Variants in UBE2E2 observed in about 807,000 individuals in gnomAD.
The protein encoded by UBE2E2 is ubiquitin-conjugating enzyme E2 E2.
A neutral mutation model predicts 24.7 loss-of-function variants in UBE2E2; 6 were observed. The observed-to-expected ratio is 0.24, with a 90% CI of 0.13 to 0.48. The LOEUF (loss-of-function observed/expected upper bound fraction) is 0.48, where lower values mean the gene tolerates loss of function less well. Ranked by LOEUF, UBE2E2 falls within the 20% of genes least tolerant of loss-of-function variation. The pLI, the probability that UBE2E2 is intolerant of heterozygous loss-of-function variation, is 0.99. For missense variants in UBE2E2, 169 were observed against 245.0 expected (o/e 0.69, Z 2.07); for synonymous variants, 104 against 83.6 (o/e 1.24, Z -1.33).
chr3:23,377,357 AT>A lies in UBE2E2; in HGVS notation c.228-122247del, dbSNP rs757658102. Among the ~76,000 whole-genome samples the A allele has an allele frequency of 5.9e-5, 9 of 152,200 alleles. No homozygotes were observed. In the South Asian group the frequency reaches 6.2e-4, roughly 10 times the overall value. On this transcript the variant is annotated intron_variant, in intron 3 of 5. Coordinates refer to ENST00000396703, the MANE Select transcript of UBE2E2 (RefSeq NM_152653.4). ...TGTGACTTGGCTCACTGTAATAGTA[AT>A]TTTGAGGTAATTATTAATGATAGTG...
intron 3 of UBE2E2, among the ~76,000 whole-genome samples, chr3:23,374,109 T>A (rs936941158): frequency 5.9e-5 from 9 of 152,190 alleles, no homozygotes; most frequent in Non-Finnish European, 1.5e-5. Context: ...TATAATGGTA[T>A]AAAATCTTTA....
chr3:23,259,326 T>A (rs929617805), intron 3 of UBE2E2, among the ~76,000 whole-genome samples: 1 of 152,224 alleles, frequency 6.6e-6, no homozygotes, highest in South Asian at 2.1e-4. Context: ...ATATTTAAGT[T>A]ATCTTTTGGG....
intron 4 of UBE2E2, among the ~76,000 whole-genome samples, chr3:23,512,009 A>G (rs576239278): frequency 6.6e-6 from 1 of 152,118 alleles, no homozygotes. Flanking sequence ...TAAAACTTAT[A>G]TAAGTAATGT....
At chr3:23,472,605 C>A (rs986467297) in intron 3 of UBE2E2, among the ~76,000 whole-genome samples, 1 of 151,892 alleles carries the variant, frequency 6.6e-6, no homozygotes, top group African/African-American at 2.4e-5. Flanking sequence ...AATTTTTAGA[C>A]CTAGCAGATT....
At chr3:23,537,914 T>G (rs1575693046) in intron 5 of UBE2E2, among the ~76,000 whole-genome samples, 1 of 152,104 alleles carries the variant, frequency 6.6e-6, no homozygotes, top group East Asian at 1.9e-4. Flanking sequence ...ATACCAAGTT[T>G]GGGAGCCGCT....
chr3:23,434,240 A>G (rs1317397092), intron 3 of UBE2E2, among the ~76,000 whole-genome samples: 3 of 152,142 alleles, frequency 2.0e-5, no homozygotes, highest in African/African-American at 7.2e-5. Context: ...TAGTGCTTAA[A>G]TACTTATTGA....
chr3:23,269,368 C>G (rs979025530), intron 3 of UBE2E2, among the ~76,000 whole-genome samples: 1 of 152,174 alleles, frequency 6.6e-6, no homozygotes, highest in Non-Finnish European at 1.5e-5. Context: ...AAAAAACAAA[C>G]CCGCTTGGAG....
At chr3:23,377,759 A>C (rs1184735947) in intron 3 of UBE2E2, among the ~76,000 whole-genome samples, 1 of 152,228 alleles carries the variant, frequency 6.6e-6, no homozygotes, top group African/African-American at 2.4e-5. Flanking sequence ...ATTTTCTGAT[A>C]GTTAAATGAA....
chr3:23,276,417 GA>G (rs1328331566), intron 3 of UBE2E2, among the ~76,000 whole-genome samples: 1 of 152,110 alleles, frequency 6.6e-6, no homozygotes, highest in African/African-American at 2.4e-5. Flanking sequence ...ATAAACTAAG[GA>G]GGGGTTAATT....
intron 5 of UBE2E2, among the ~76,000 whole-genome samples, chr3:23,558,323 T>C (rs554278249): frequency 6.6e-6 from 1 of 152,326 alleles, no homozygotes; most frequent in East Asian, 1.9e-4. Context: ...AGTGTGCAAA[T>C]GGTATTTCAC....
chr3:23,276,302 T>A (rs572511419), intron 3 of UBE2E2, among the ~76,000 whole-genome samples: 36 of 152,280 alleles, frequency 2.4e-4, no homozygotes, highest in Non-Finnish European at 4.1e-4. Context: ...TAATTTTTGA[T>A]TTTAAATTTT....
chr3:23,295,891 T>C (rs890756716), intron 3 of UBE2E2, among the ~76,000 whole-genome samples: 14 of 152,318 alleles, frequency 9.2e-5, no homozygotes, highest in African/African-American at 3.4e-4. Flanking sequence ...TTGGAGCAGA[T>C]GTCCCCCAAG....
At chr3:23,522,180 G>C (rs1247212140) in intron 4 of UBE2E2, among the ~76,000 whole-genome samples, 1 of 141,032 alleles carries the variant, frequency 7.1e-6, no homozygotes, top group Non-Finnish European at 1.5e-5. Flanking sequence ...GCCCAGGCTG[G>C]AGTGCAGTGG....
At chr3:23,472,112 G>T (rs1044546632) in intron 3 of UBE2E2, among the ~76,000 whole-genome samples, 1 of 152,044 alleles carries the variant, frequency 6.6e-6, no homozygotes, top group African/African-American at 2.4e-5. Context: ...CATGATATCC[G>T]AAAGGAAAGA....
chr3:23,483,325 A>G (rs1575659429), intron 3 of UBE2E2, among the ~76,000 whole-genome samples: 1 of 152,258 alleles, frequency 6.6e-6, no homozygotes, highest in African/African-American at 2.4e-5. Context: ...TTTGAAAAAT[A>G]TATGTGAATG....
chr3:23,263,437 G>T (rs1697955934), intron 3 of UBE2E2, among the ~76,000 whole-genome samples: 2 of 152,074 alleles, frequency 1.3e-5, no homozygotes, highest in Admixed American at 1.3e-4. Flanking sequence ...ATTGATTTTG[G>T]CTTTGACATA....
intron 3 of UBE2E2, among the ~76,000 whole-genome samples, chr3:23,328,850 C>T (rs1324727080): frequency 1.3e-5 from 2 of 151,976 alleles, no homozygotes; most frequent in African/African-American, 2.4e-5. Flanking sequence ...TTTGTAGAGA[C>T]GGGGTTTCAC....
intron 5 of UBE2E2, among the ~76,000 whole-genome samples, chr3:23,588,101 C>T (rs75758267): frequency 0.048 from 7,304 of 152,174 alleles, 576 homozygotes; most frequent in African/African-American, 0.17. Context: ...CCATGAGTGC[C>T]TTACAAGGTT....
At chr3:23,264,025 A>G (rs948230799) in intron 3 of UBE2E2, among the ~76,000 whole-genome samples, 1 of 152,284 alleles carries the variant, frequency 6.6e-6, no homozygotes, top group South Asian at 2.1e-4. Flanking sequence ...AGTGCTTACT[A>G]TGAGTCGGGT....
Sources: gnomAD v4.1 joint callset for allele counts (sites outside exome capture counted in the v4.1 genomes callset) on GRCh38, gnomAD v4.1.1 for gene constraint, MANE v1.5 for transcripts, NCBI Gene and HGNC (gene_info 2026-07-23, HGNC 2026-07-21) for gene names.